The following DST variants were observed in gnomAD, a reference collection of about 807,000 sequenced individuals.
DST encodes the protein dystonin.
A neutral mutation model predicts 875.2 loss-of-function variants in DST; 253 were observed. The observed-to-expected ratio is 0.29, with a 90% CI of 0.26 to 0.32. DST has a LOEUF of 0.32. Among genes scored for constraint, DST ranks in the 10% least tolerant of loss-of-function variants. The probability of loss-of-function intolerance (pLI) is 1.00; values close to 1 mark genes in which losing one functional copy is unlikely to be tolerated. For synonymous variants in DST, 3,124 were observed against 3,197.1 expected (o/e 0.98, Z 0.77); for missense variants, 8,287 against 9,111.6 (o/e 0.91, Z 3.68).
chr6:56,498,420 C>A (rs557027141), intron 80 of DST, among the ~76,000 whole-genome samples: 40 of 152,118 alleles, frequency 2.6e-4, no homozygotes, highest in Non-Finnish European at 5.4e-4. Context: ...TGATGAACTT[C>A]TTTTCCCCTA....
intron 4 of DST, among the ~76,000 whole-genome samples, chr6:56,768,029 C>G (rs1271966544): frequency 6.6e-6 from 1 of 152,132 alleles, no homozygotes; most frequent in African/African-American, 2.4e-5. Context: ...CCAGGTACCA[C>G]AGGACCATAT....
At chr6:56,690,117 T>C (rs2099217672) in intron 9 of DST, among the ~76,000 whole-genome samples, 1 of 152,202 alleles carries the variant, frequency 6.6e-6, no homozygotes. Flanking sequence ...TTAAATTTCA[T>C]TGACAAGTAA....
At chr6:56,747,061 A>G (rs895690307) in intron 4 of DST, among the ~76,000 whole-genome samples, 1 of 152,242 alleles carries the variant, frequency 6.6e-6, no homozygotes, top group Admixed American at 6.5e-5. Context: ...GTGAAGGCAC[A>G]GGAGGTCTCT....
intron 4 of DST, among the ~76,000 whole-genome samples, chr6:56,749,345 CTG>C (rs1223401987): frequency 6.6e-6 from 1 of 151,938 alleles, no homozygotes; most frequent in Non-Finnish European, 1.5e-5. Flanking sequence ...CAGAGTATGA[CTG>C]TGTCTCAAAA....
intron 78 of DST, among the ~76,000 whole-genome samples, chr6:56,503,205 G>C (rs893824207): frequency 2.0e-5 from 3 of 151,952 alleles, no homozygotes; most frequent in African/African-American, 7.2e-5. Flanking sequence ...GAATGAATAA[G>C]ACCCTGTATT....
intron 4 of DST, among the ~76,000 whole-genome samples, chr6:56,823,179 C>T (rs2099775161): frequency 6.6e-6 from 1 of 152,066 alleles, no homozygotes; most frequent in African/African-American, 2.4e-5. Flanking sequence ...TCTGAGTTCC[C>T]AACAAATTTC....
intron 67 of DST, among the ~76,000 whole-genome samples, chr6:56,528,262 A>G (rs2096836010): frequency 6.6e-6 from 1 of 152,112 alleles, no homozygotes; most frequent in African/African-American, 2.4e-5. Context: ...AATTTCTTCA[A>G]TGCATAATGA....
chr6:56,787,256 C>T (rs571901756), intron 4 of DST, among the ~76,000 whole-genome samples: 63 of 152,218 alleles, frequency 4.1e-4, no homozygotes, highest in Middle Eastern at 3.4e-3. Flanking sequence ...TAGTGAAATG[C>T]ACTATAATGG....
chr6:56,594,328 G>A, intron 47 of DST, 135 bp from the exon 48 acceptor site: 1 of 642,270 alleles, frequency 1.6e-6, no homozygotes, highest in Non-Finnish European at 2.6e-6. Flanking sequence ...CCCTTTTCAA[G>A]CTATACCGTA....
rs1444451735 is a variant in DST at position 56,687,211 on chromosome 6, T to A, written c.1047+12442A>T. On this transcript the variant is annotated intron_variant, in intron 9 of 103. Coordinates refer to ENST00000680361, the MANE Select transcript of DST (RefSeq NM_001374736.1). ...AAAACGTTAACAAATGAAAATTCAA[T>A]CCCTTTATATGTTTCTATTAAGATA... 3.9e-5 allele frequency among the ~76,000 whole-genome samples: 6 copies of A among 152,332 alleles called. 1 individual carries two copies. Among genetic ancestry groups the A allele is most frequent in the African/African-American group, 1.4e-4 (6 of 41,584 alleles).
At chr6:56,530,993 G>A (rs2096887236) in intron 64 of DST, among the ~76,000 whole-genome samples, 1 of 152,110 alleles carries the variant, frequency 6.6e-6, no homozygotes, top group African/African-American at 2.4e-5. Flanking sequence ...CTATGAAGAA[G>A]AAGGGAATTA....
intron 82 of DST, among the ~76,000 whole-genome samples, chr6:56,495,499 T>C (rs2095872849): frequency 6.6e-6 from 1 of 151,998 alleles, no homozygotes; most frequent in Non-Finnish European, 1.5e-5. Flanking sequence ...ATTTTAAAAA[T>C]ATTTATATTA....
chr6:56,686,200 C>A (rs1182781556), intron 9 of DST, among the ~76,000 whole-genome samples: 4 of 152,192 alleles, frequency 2.6e-5, no homozygotes, highest in African/African-American at 9.7e-5. Flanking sequence ...AACACAGGAA[C>A]AGAATACCAA....
chr6:56,528,457 A>G (rs1165108768), intron 67 of DST, among the ~76,000 whole-genome samples: 1 of 152,226 alleles, frequency 6.6e-6, no homozygotes, highest in East Asian at 1.9e-4. Flanking sequence ...ATGTATAGCT[A>G]TGCACGTAGC....
intron 4 of DST, among the ~76,000 whole-genome samples, chr6:56,797,340 A>G (rs548550830): frequency 1.3e-5 from 2 of 152,306 alleles, no homozygotes; most frequent in South Asian, 2.1e-4. Flanking sequence ...GATTAGGCCA[A>G]TTAGTAACCC....
intron 36 of DST, among the ~76,000 whole-genome samples, chr6:56,617,746 G>GAT (rs1563221353): frequency 6.6e-6 from 1 of 152,028 alleles, no homozygotes; most frequent in Non-Finnish European, 1.5e-5. Context: ...TATCTCCACA[G>GAT]ATATAACAGT....
chr6:56,466,097 C>T lies in DST; in HGVS notation c.22668G>A (p.Val7556=), dbSNP rs968091482. Residue 7556 remains valine, a synonymous_variant, in exon 99 of 104, where the codon GTG becomes GTA. Transcript: ENST00000680361. ...CCTTACCCCTGCAAGGATCATTTTTCACTAAGAACTCATCAAGTGCCATCC... is the reference window on the plus strand; with the variant it reads ...CCTTACCCCTGCAAGGATCATTTTTTACTAAGAACTCATCAAGTGCCATCC... ...GGWMALDEFL[V]KNDPCRVHHH... is the part of the protein sequence containing the mutation. 3 of 1,612,544 alleles carry T rather than the reference C, an allele frequency of 1.9e-6. No homozygotes were observed. Among genetic ancestry groups the T allele is most frequent in the Non-Finnish European group, 2.5e-6 (3 of 1,179,244 alleles).
In DST at chr6:56,506,754, C is replaced by G; in HGVS notation, c.19275G>C (p.Glu6425Asp). The change falls in exon 76 of 104, where the codon GAG becomes GAC. Residue 6425 changes from glutamate to aspartate, a missense_variant. Glu to Asp is a conservative substitution (Grantham distance 45, BLOSUM62 2). Transcript: ENST00000680361. ...IREEIDGLQE[E>D]LDIVINLGSE... ...AACCTAGGTTAATAACTATATCCAG[C>G]TCCTCCTGTAGTCCATCTATTTCTT... 1 of 1,613,500 alleles carries G rather than the reference C, an allele frequency of 6.2e-7. No homozygotes were observed. Among genetic ancestry groups the G allele is most frequent in the Non-Finnish European group, 8.5e-7 (1 of 1,179,592 alleles).
intron 7 of DST, among the ~76,000 whole-genome samples, chr6:56,703,196 T>A (rs542486215): frequency 1.3e-5 from 2 of 152,274 alleles, no homozygotes; most frequent in East Asian, 3.9e-4. Context: ...CCAAGAGGTG[T>A]GGTTTAAAGC....
Sources: allele counts gnomAD v4.1 joint callset (sites outside exome capture counted in the v4.1 genomes callset), GRCh38; gene constraint gnomAD v4.1.1; transcripts MANE v1.5; gene names NCBI Gene and HGNC (gene_info 2026-07-23, HGNC 2026-07-21).